Variants in PTPN3 observed in about 807,000 individuals in gnomAD.
The protein encoded by PTPN3 is protein tyrosine phosphatase non-receptor type 3.
A neutral mutation model predicts 132.7 loss-of-function variants in PTPN3; 96 were observed. The observed-to-expected ratio is 0.72, with a 90% CI of 0.61 to 0.86. The LOEUF (loss-of-function observed/expected upper bound fraction) is 0.86. Among genes scored for constraint, PTPN3 ranks in the 40% least tolerant of loss-of-function variants. PTPN3 has a pLI of 0.00. For synonymous variants in PTPN3, 398 were observed against 429.0 expected (o/e 0.93, Z 0.89); for missense variants, 1,125 against 1,159.6 (o/e 0.97, Z 0.43).
chr9:109,392,635 T>C (rs1478828758), intron 19 of PTPN3: 2 of 152,130 alleles, frequency 1.3e-5, no homozygotes, highest in African/African-American at 4.8e-5. Flanking sequence ...ACAGGGTCTC[T>C]CTTTGTTGCC....
intron 5 of PTPN3, chr9:109,449,185 C>T: frequency 9.0e-7 from 1 of 1,107,284 alleles, no homozygotes; most frequent in South Asian, 3.0e-5. Flanking sequence ...TCAGTGAGCG[C>T]CCCTGCCCTT....
the PTPN3 span, chr9:109,534,221 C>A: frequency 7.2e-7 from 1 of 1,388,490 alleles, no homozygotes; most frequent in South Asian, 1.2e-5. Context: ...CCCGGGCCAC[C>A]GTTTCCTGTG....
the PTPN3 span, among the ~76,000 whole-genome samples, chr9:109,512,127 G>A: frequency 1.3e-5 from 2 of 152,116 alleles, no homozygotes; most frequent in African/African-American, 2.4e-5. Context: ...TATCATCAGG[G>A]CCTCAAATTA....
intron 12 of PTPN3, among the ~76,000 whole-genome samples, chr9:109,424,764 C>G (rs184695712): frequency 3.3e-4 from 50 of 152,332 alleles, no homozygotes; most frequent in African/African-American, 1.1e-3. Context: ...TGGCCAAGCC[C>G]TTCTAGGATT....
intron 1 of PTPN3, among the ~76,000 whole-genome samples, chr9:109,478,792 A>G (rs754896024): frequency 1.6e-4 from 25 of 152,198 alleles, no homozygotes; most frequent in Non-Finnish European, 2.9e-4. Context: ...ATGACCCAGG[A>G]GAGAGCCCAC....
chr9:109,435,866 CT>C (rs2131922990), intron 9 of PTPN3, among the ~76,000 whole-genome samples: 1 of 152,316 alleles, frequency 6.6e-6, no homozygotes, highest in Non-Finnish European at 1.5e-5. Flanking sequence ...CACCATTTTC[CT>C]TCCTTATTTC....
rs1194965008 is a variant in PTPN3, at chr9:109,422,839, G to A, written c.1015C>T (p.Gln339Ter). ...SRNTKKSVNN[Q>*]YCKKVIGGMV... ...CCGCCAATCACCTTTTTGCAATATT[G>A]GTTATTTACCGACCTGAAAAACCAG... The change falls in exon 13 of 26, where the codon CAA (glutamine) becomes TAA (stop). Residue 339 changes from glutamine (Q) to a stop codon, truncating the protein, a stop_gained. Coordinates refer to ENST00000374541, the MANE Select transcript of PTPN3 (RefSeq NM_002829.4). LOFTEE classifies it high-confidence loss of function. The A allele has an allele frequency of 6.2e-7, 1 of 1,613,048 alleles. No homozygotes were observed. The highest frequency in any genetic ancestry group is 1.1e-5 in the South Asian group (1 of 90,940).
In PTPN3 at chr9:109,413,205, C is replaced by T. The variant is rs143361038; in HGVS notation, c.1314-2790G>A. 8.1e-3 allele frequency among the ~76,000 whole-genome samples: 1,226 copies of T among 151,868 alleles called. 28 individuals are homozygous for T. Among genetic ancestry groups the T allele is most frequent in the East Asian group, 0.057 (292 of 5,126 alleles). ...TCTTGACCTTGTGATCTGCCCGCCT[C>T]GGCCTCCCAAAGTGCTGGGATTACA... On this transcript the variant is annotated intron_variant, in intron 14 of 25. Transcript: ENST00000374541.
chr9:109,445,316 C>T, intron 6 of PTPN3, 24 bp from the exon 7 acceptor site: 1 of 1,600,292 alleles, frequency 6.2e-7, no homozygotes, highest in Non-Finnish European at 8.6e-7. Context: ...AACATATTAG[C>T]AAAGTCACAA....
chr9:109,427,265 G>T (rs1843347549), intron 11 of PTPN3, 143 bp from the exon 12 acceptor site: 1 of 824,988 alleles, frequency 1.2e-6, no homozygotes, highest in African/African-American at 1.7e-5. Flanking sequence ...ACAAACCAGT[G>T]TACCGGAATA....
At chr9:109,408,552 G>A (rs1841764900) in intron 16 of PTPN3, among the ~76,000 whole-genome samples, 175 bp from the exon 17 acceptor site, 1 of 151,910 alleles carries the variant, frequency 6.6e-6, no homozygotes, top group South Asian at 2.1e-4. Flanking sequence ...CGTCATTTCA[G>A]AAATATGGAA....
Position 109,457,346 on chromosome 9 carries a change from C to A in PTPN3, c.192G>T (p.Val64=). 6.2e-7 allele frequency: 1 copy of A among 1,614,192 alleles called. No individual in the cohort carries two copies. Among genetic ancestry groups the A allele is most frequent in the South Asian group, 1.1e-5 (1 of 91,068 alleles). Residue 64 remains valine (V), a synonymous_variant, in exon 3 of 26, where the codon GTG becomes GTT. Coordinates refer to ENST00000374541, the MANE Select transcript of PTPN3 (RefSeq NM_002829.4). ...GTAAACCAAAATATTCCTTTTCAGT[C>A]ACACCCAGGTGGTTGTGCACCATAT... ...LLDMVHNHLG[V]TEKEYFGLQH...
chr9:109,531,646 G>A, the PTPN3 span, among the ~76,000 whole-genome samples: 1 of 152,148 alleles, frequency 6.6e-6, no homozygotes, highest in East Asian at 1.9e-4. Flanking sequence ...TGTATGGTCA[G>A]GCTCCTAGAA....
At chr9:109,496,366 C>T (rs1188214000) in intron 1 of PTPN3, among the ~76,000 whole-genome samples, 2 of 152,164 alleles carry the variant, frequency 1.3e-5, no homozygotes, top group Non-Finnish European at 2.9e-5. Context: ...TTTAATCATC[C>T]GGAAAGTCAT....
chr9:109,469,462 T>C (rs1846260493), intron 1 of PTPN3, among the ~76,000 whole-genome samples: 1 of 152,014 alleles, frequency 6.6e-6, no homozygotes, highest in Non-Finnish European at 1.5e-5. Flanking sequence ...CTACTAAAAA[T>C]ACAAAAATTA....
chr9:109,402,219 G>A (rs909802028), intron 19 of PTPN3, among the ~76,000 whole-genome samples: 44 of 152,200 alleles, frequency 2.9e-4, no homozygotes, highest in African/African-American at 9.6e-4. Flanking sequence ...AAATATGAAT[G>A]AGTTTTACTG....
At chr9:109,497,740 G>A (rs1847735652) in intron 1 of PTPN3, among the ~76,000 whole-genome samples, 1 of 152,120 alleles carries the variant, frequency 6.6e-6, no homozygotes, top group Admixed American at 6.5e-5. Context: ...CCCAGGAAAT[G>A]CCATCTTTGA....
At chr9:109,423,658 C>T (rs1033900620) in intron 12 of PTPN3, among the ~76,000 whole-genome samples, 1 of 152,120 alleles carries the variant, frequency 6.6e-6, no homozygotes, top group African/African-American at 2.4e-5. Flanking sequence ...AAATGTGCTA[C>T]CCTGAAGGTT....
chr9:109,462,105 T>C (rs1241499558), intron 2 of PTPN3, among the ~76,000 whole-genome samples: 6 of 151,938 alleles, frequency 3.9e-5, no homozygotes, highest in African/African-American at 1.5e-4. Context: ...CGTGGAAGAG[T>C]GGGGCAGAAG....
Sources: gnomAD v4.1 joint callset for allele counts (sites outside exome capture counted in the v4.1 genomes callset) on GRCh38, gnomAD v4.1.1 for gene constraint, MANE v1.5 for transcripts, NCBI Gene and HGNC (gene_info 2026-07-23, HGNC 2026-07-21) for gene names.